The following ANTXRL variants were observed in gnomAD, a reference collection of about 807,000 sequenced individuals.
The protein encoded by ANTXRL is ANTXR like, also known as anthrax toxin receptor-like.
In ANTXRL, 63 loss-of-function variants were observed where a neutral mutation model predicts 75.4. The observed-to-expected ratio is 0.84, with a 90% CI of 0.68 to 1.03. The LOEUF (loss-of-function observed/expected upper bound fraction) is 1.03, where lower values mean the gene tolerates loss of function less well. ANTXRL is among the 50% of genes least tolerant of loss of function. ANTXRL has a pLI of 0.00. For synonymous variants in ANTXRL, 335 were observed against 291.3 expected, an observed-to-expected ratio of 1.15 and a Z score of -1.53; for missense variants, 797 against 789.4, an observed-to-expected ratio of 1.01 and a Z score of -0.12.
chr10:46,305,937 C>T (rs1554961763), intron 10 of ANTXRL, among the ~76,000 whole-genome samples: 2 of 152,166 alleles, frequency 1.3e-5, no homozygotes, highest in Non-Finnish European at 2.9e-5. Flanking sequence ...TCCATCCCAC[C>T]AGCAAGTCCT....
chr10:46,302,623 G>A (rs80125298), intron 9 of ANTXRL, 99 bp from the exon 10 acceptor site: 161,530 of 806,462 alleles, frequency 0.2, 12,674 homozygotes, highest in East Asian at 0.26. Context: ...GAGCCTCTGT[G>A]AATTCGGTTT....
At chr10:46,327,106 C>T (rs375172272) in intron 16 of ANTXRL, among the ~76,000 whole-genome samples, 3 of 152,222 alleles carry the variant, frequency 2.0e-5, no homozygotes, top group Admixed American at 6.5e-5. Flanking sequence ...GATGGCTGGG[C>T]TTGGGCGTGC....
chr10:46,300,075 C>T (rs1554960123), intron 9 of ANTXRL, among the ~76,000 whole-genome samples: 1 of 152,216 alleles, frequency 6.6e-6, no homozygotes. Context: ...GCCCTGTCAA[C>T]CCCAGGTGAG....
chr10:46,295,902 G>A (rs35544747), intron 3 of ANTXRL, 117 bp from the exon 4 acceptor site: 1 of 824,238 alleles, frequency 1.2e-6, no homozygotes, highest in Non-Finnish European at 2.0e-6. Context: ...CCTTGCCTGG[G>A]CCCCTCCTTC....
intron 12 of ANTXRL, chr10:46,308,402 T>TCCCCCCCCCCCCCCCCCCCCCCCCCCCC (rs1565036745): frequency 4.1e-6 from 1 of 245,728 alleles, no homozygotes; most frequent in Non-Finnish European, 7.9e-6. Flanking sequence ...CCCTGCCCCT[T>TCCCCCCCCCCCCCCCCCCCCCCCCCCCC]CCCTCCCCTC....
At position 46,306,457 on chromosome 10, in the gene ANTXRL, C is replaced by G. The variant is rs1327444530; in HGVS notation, c.896-346C>G. Among the ~76,000 whole-genome samples, 7 of 152,110 alleles carry G rather than the reference C, an allele frequency of 4.6e-5. No individual in the cohort carries two copies. In the South Asian group the frequency reaches 1.5e-3, roughly 32 times the overall value. On this transcript the variant is annotated intron_variant, in intron 10 of 16. Coordinates refer to ENST00000620264, the MANE Select transcript of ANTXRL (RefSeq NM_001278688.3). ...AGTCATGCATAATGAAGCGGCTGTCCCTTCCTCTCTGGTTCCCTCACCTCC... is the reference window on the plus strand; with the variant it reads ...AGTCATGCATAATGAAGCGGCTGTCGCTTCCTCTCTGGTTCCCTCACCTCC...
chr10:46,296,941 GC>G (rs1837415187), intron 5 of ANTXRL, among the ~76,000 whole-genome samples: 2 of 152,198 alleles, frequency 1.3e-5, no homozygotes, highest in African/African-American at 4.8e-5. Flanking sequence ...GGCTGGAGCT[GC>G]CCTCAGGCAG....
intron 11 of ANTXRL, 82 bp downstream of exon 11, chr10:46,306,954 G>T (rs781982660): frequency 3.4e-6 from 4 of 1,160,514 alleles, no homozygotes; most frequent in African/African-American, 1.6e-5. Flanking sequence ...AAATGTGGAT[G>T]CCCCCCACCC....
intron 15 of ANTXRL, among the ~76,000 whole-genome samples, chr10:46,311,949 G>A (rs1484843810): frequency 1.3e-5 from 2 of 148,328 alleles, no homozygotes; most frequent in Non-Finnish European, 3.0e-5. Context: ...GGCAGCTTTT[G>A]ATGTCTGACC....
intron 9 of ANTXRL, among the ~76,000 whole-genome samples, chr10:46,299,898 C>G (rs1554960059): frequency 1.3e-5 from 2 of 152,192 alleles, no homozygotes. Flanking sequence ...CCCCGCCTCT[C>G]CCCCATGCAG....
chr10:46,293,150 G>A (rs72790449), intron 2 of ANTXRL: 25,521 of 152,136 alleles, frequency 0.17, 1,810 homozygotes, highest in Non-Finnish European at 0.19. Context: ...TGTGGGTGCC[G>A]TGTGTGCGTG....
chr10:46,328,944 C>A (rs1231350405), intron 16 of ANTXRL, among the ~76,000 whole-genome samples: 14 of 152,122 alleles, frequency 9.2e-5, no homozygotes, highest in Non-Finnish European at 4.4e-5. Flanking sequence ...CTGATCAAGT[C>A]TTCAGACAGG....
Position 46,293,320 on chromosome 10 carries a change from CTG to C in ANTXRL, c.321-502_321-501del, listed in dbSNP as rs1334608826. Among the ~76,000 whole-genome samples the C allele has an allele frequency of 9.9e-4, 70 of 70,652 alleles. No individual in the cohort carries two copies. In the East Asian group the frequency reaches 0.014, roughly 14 times the overall value. The allele number at this position is 70,652 out of a possible 152,430, so 46.4% of individuals were successfully genotyped here. A position where few individuals can be genotyped will look rare whatever the true frequency, so the allele number is the denominator to read the frequency against. ...TGCCTGTGTGTGTGTGCGTGTGTGC[CTG>C]TGTGTGAGTGTGTGCGTGTGTGCGT... is the stretch of plus-strand genomic sequence containing the variant. On this transcript the variant is annotated intron_variant, in intron 2 of 16. Transcript: ENST00000620264.
intron 16 of ANTXRL, among the ~76,000 whole-genome samples, chr10:46,323,418 C>T (rs1554965945): frequency 6.6e-6 from 1 of 152,104 alleles, no homozygotes; most frequent in Non-Finnish European, 1.5e-5. Flanking sequence ...ACAATAGCAG[C>T]GTTAAGTAGG....
chr10:46,320,452 C>T (rs1207607742), intron 16 of ANTXRL, among the ~76,000 whole-genome samples: 1 of 152,108 alleles, frequency 6.6e-6, no homozygotes, highest in African/African-American at 2.4e-5. Context: ...TCACCCATGG[C>T]CGGGTGCAGT....
At chr10:46,300,275 A>G (rs531296528) in intron 9 of ANTXRL, among the ~76,000 whole-genome samples, 1 of 152,314 alleles carries the variant, frequency 6.6e-6, no homozygotes, top group East Asian at 1.9e-4. Flanking sequence ...AGGGCAAGGC[A>G]GGAGCCTGAA....
chr10:46,300,442 G>C (rs1385274273), intron 9 of ANTXRL, among the ~76,000 whole-genome samples: 3 of 152,128 alleles, frequency 2.0e-5, no homozygotes, highest in East Asian at 1.9e-4. Context: ...GAGGCCTCTG[G>C]TGGCCTCACC....
In ANTXRL at chr10:46,328,648, C is replaced by T. The variant is rs577697198; in HGVS notation, c.1411-951C>T. 4.6e-5 allele frequency among the ~76,000 whole-genome samples: 7 copies of T among 151,672 alleles called. No homozygotes were observed. The South Asian group carries it at 6.3e-4, about 14-fold the overall frequency. ...TCTTTTTTTTTTTAATTTTAAGTTC[C>T]GGGATACATGTGCAGGATGTGCAGG... is the stretch of plus-strand genomic sequence containing the variant. On this transcript the variant is annotated intron_variant, in intron 16 of 16. Coordinates refer to ENST00000620264, the MANE Select transcript of ANTXRL (RefSeq NM_001278688.3).
At chr10:46,300,767 C>G (rs1554960312) in intron 9 of ANTXRL, among the ~76,000 whole-genome samples, 1 of 152,178 alleles carries the variant, frequency 6.6e-6, no homozygotes, top group African/African-American at 2.4e-5. Context: ...GTCTGTCCCT[C>G]TCATCAGTCA....
Sources: allele counts gnomAD v4.1 joint callset (sites outside exome capture counted in the v4.1 genomes callset), GRCh38; gene constraint gnomAD v4.1.1; transcripts MANE v1.5; gene names NCBI Gene and HGNC (gene_info 2026-07-23, HGNC 2026-07-21).